CAPS: variants seen among roughly 807,000 people sequenced by gnomAD.
The protein encoded by CAPS is calcyphosin.
CAPS carries 16 observed loss-of-function variants against 15.5 expected under a neutral mutation model. The ratio of observed to expected loss-of-function variants is 1.03; its 90% CI spans 0.70 to 1.57. The LOEUF is 1.57. CAPS is among the 40% of genes most tolerant of loss of function. The pLI is 0.00. For missense variants in CAPS, 294 were observed against 278.4 expected, an observed-to-expected ratio of 1.06 and a Z score of -0.40; for synonymous variants, 121 against 116.0, an observed-to-expected ratio of 1.04 and a Z score of -0.28.
In CAPS at chr19:5,915,981, G is replaced by C. The variant is rs2144987224; in HGVS notation, c.*659G>C. ...GCAGGGGTGGGGGTAAAGTGCGGGTGGTGGTGGAGAGAACAGGGCTGTGGC... is the reference window on the plus strand; with the variant it reads ...GCAGGGGTGGGGGTAAAGTGCGGGTCGTGGTGGAGAGAACAGGGCTGTGGC... On this transcript the variant is annotated 3_prime_UTR_variant, in exon 5 of 5. Coordinates refer to ENST00000588776, the MANE Select transcript of CAPS (RefSeq NM_004058.5). The C allele has an allele frequency of 6.5e-6, 1 of 152,876 alleles. No homozygotes were observed. The highest frequency in any genetic ancestry group is 2.4e-5 in the African/African-American group (1 of 41,446). The allele number at this position is 152,876 out of a possible 1,614,324, so 9.5% of individuals were successfully genotyped here. A position where few individuals can be genotyped will look rare whatever the true frequency, so the allele number is the denominator to read the frequency against.
intron 2 of CAPS, 29 bp downstream of exon 2, chr19:5,914,518 C>G: frequency 6.2e-7 from 1 of 1,605,726 alleles, no homozygotes; most frequent in Non-Finnish European, 8.5e-7. Flanking sequence ...CCTTCCTGAC[C>G]CCGGCCCCTG....
chr19:5,914,997 C>G lies in CAPS; in HGVS notation c.319C>G (p.Arg107Gly), dbSNP rs141737540. Residue 107 changes from arginine to glycine, a missense_variant, in exon 4 of 5, where the codon CGC becomes GGC. Coordinates refer to ENST00000588776, the MANE Select transcript of CAPS (RefSeq NM_004058.5). Reference sequence around the variant, plus strand: ...CGCAGCTGCATTTGCCAAGCTGGACCGCAGTGGGGACGGCGTCGTGACGGT... The same window carrying G: ...CGCAGCTGCATTTGCCAAGCTGGACGGCAGTGGGGACGGCGTCGTGACGGT... ...VIAAAFAKLD[R>G]SGDGVVTVDD... is the part of the protein sequence containing the mutation. The G allele has an allele frequency of 2.7e-5, 43 of 1,611,224 alleles. No homozygotes were observed. In the Admixed American group the frequency reaches 7.0e-4, roughly 26 times the overall value.
In CAPS at chr19:5,915,157, G is replaced by A. The variant is rs776942805; in HGVS notation, c.468+11G>A. 1 of 1,612,480 alleles carries A rather than the reference G, an allele frequency of 6.2e-7. No homozygotes were observed. ...GAGAAGGACGGGCAGGTGGGTGGCT[G>A]CGCGGGGGGCCCCCTCCCCAGGCAG... is the stretch of plus-strand genomic sequence containing the variant. On this transcript the variant is annotated intron_variant, in intron 4 of 4. Transcript: ENST00000588776.
At position 5,914,293 on chromosome 19, in the gene CAPS, G is replaced by C; in HGVS notation, c.-39G>C. On this transcript the variant is annotated 5_prime_UTR_variant, in exon 1 of 5. Transcript: ENST00000588776. ...ACAAGGCCCCGCAGGCAGGACTCTG[G>C]GACAGACGCAGGCCAGGTGAGCATC... The C allele has an allele frequency of 1.9e-6, 3 of 1,594,920 alleles. No homozygotes were observed. The highest frequency in any genetic ancestry group is 2.6e-6 in the Non-Finnish European group (3 of 1,171,766).
In CAPS at chr19:5,915,799, T is replaced by TG. The variant is rs1024481394; in HGVS notation, c.*478dup. The TG allele has an allele frequency of 6.5e-6, 1 of 153,082 alleles. No homozygotes were observed. The highest frequency in any genetic ancestry group is 1.4e-5 in the Non-Finnish European group (1 of 69,310). The allele number at this position is 153,082 out of a possible 1,614,324, so 9.5% of individuals were successfully genotyped here. A position where few individuals can be genotyped will look rare whatever the true frequency, so the allele number is the denominator to read the frequency against. Reference sequence around the variant, plus strand: ...ACCTCAGAAACTGAAATAAAGCCTTTGAAAAAAAAATCTGTAAAACATCAA... The same window carrying TG: ...ACCTCAGAAACTGAAATAAAGCCTTTGGAAAAAAAAATCTGTAAAACATCAA... On this transcript the variant is annotated 3_prime_UTR_variant, in exon 5 of 5. Transcript: ENST00000588776.
At position 5,915,820 on chromosome 19, in the gene CAPS, A is replaced by G. The variant is rs2057729685; in HGVS notation, c.*498A>G. 1 of 154,290 alleles carries G rather than the reference A, an allele frequency of 6.5e-6. No homozygotes were observed. Among genetic ancestry groups the G allele is most frequent in the African/African-American group, 2.4e-5 (1 of 41,354 alleles). 9.6% of individuals were successfully genotyped at this position (154,290 alleles called of 1,614,324 possible). ...CCTTTGAAAAAAAAATCTGTAAAAC[A>G]TCAACCCCCAATCAGAAGATGGCAA... On this transcript the variant is annotated 3_prime_UTR_variant, in exon 5 of 5. Coordinates refer to ENST00000588776, the MANE Select transcript of CAPS (RefSeq NM_004058.5).
Position 5,915,420 on chromosome 19 carries a change from A to C in CAPS, c.*98A>C. 1.4e-5 allele frequency: 12 copies of C among 850,180 alleles called. No individual in the cohort carries two copies. The highest frequency in any genetic ancestry group is 3.6e-4 in the Middle Eastern group (1 of 2,792). The allele number at this position is 850,180 out of a possible 1,614,324, so 52.7% of individuals were successfully genotyped here. On this transcript the variant is annotated 3_prime_UTR_variant, in exon 5 of 5. Coordinates refer to ENST00000588776, the MANE Select transcript of CAPS (RefSeq NM_004058.5). ...CCCTTCTCTCCTGGGCAGCCACACCACAGAGCGGGGAGGGGCAGGTGGGGG... is the reference window on the plus strand; with the variant it reads ...CCCTTCTCTCCTGGGCAGCCACACCCCAGAGCGGGGAGGGGCAGGTGGGGG...
chr19:5,915,213 G>A lies in CAPS; in HGVS notation c.469-8G>A, dbSNP rs775603897. On this transcript the variant is annotated splice_polypyrimidine_tract_variant and splice_region_variant and intron_variant, in intron 4 of 4. Transcript: ENST00000588776. ...CGGCCGTGCCCCCTCACGGCCCTCT[G>A]TTCCCAGGTCACACTGGCGGAATTC... The A allele has an allele frequency of 6.2e-7, 1 of 1,612,560 alleles. No homozygotes were observed. Among genetic ancestry groups the A allele is most frequent in the Admixed American group, 1.7e-5 (1 of 59,994 alleles).
chr19:5,914,917 C>T (rs1599705791), intron 3 of CAPS, 23 bp from the exon 4 acceptor site: 3 of 1,591,512 alleles, frequency 1.9e-6, no homozygotes, highest in South Asian at 2.2e-5. Context: ...CCCACCACCC[C>T]CAGTCACCAC....
chr19:5,915,176 C>A (rs372686654), intron 4 of CAPS, 30 bp downstream of exon 4: 24 of 1,611,398 alleles, frequency 1.5e-5, no homozygotes, highest in Non-Finnish European at 1.8e-5. Context: ...GCCCCCTCCC[C>A]AGGCAGTTCC....
chr19:5,915,473 A>C lies in CAPS; in HGVS notation c.*151A>C. On this transcript the variant is annotated 3_prime_UTR_variant, in exon 5 of 5. Coordinates refer to ENST00000588776, the MANE Select transcript of CAPS (RefSeq NM_004058.5). ...TGGAGGCTGCAGGACTGGCTAGACC[A>C]GGTCCCTGCCGGTCCACCAGGCGGA... The C allele has an allele frequency of 1.6e-6, 1 of 616,344 alleles. No homozygotes were observed. The highest frequency in any genetic ancestry group is 2.0e-5 in the South Asian group (1 of 49,514). The allele number at this position is 616,344 out of a possible 1,614,324, so 38.2% of individuals were successfully genotyped here.
rs759735753 is a variant in CAPS, at chr19:5,915,027, G to T, written c.349G>T (p.Asp117Tyr). Reference sequence around the variant, plus strand: ...TGGGGACGGCGTCGTGACGGTGGACGACCTCCGCGGGGTGTACAGTGGCCG... The same window carrying T: ...TGGGGACGGCGTCGTGACGGTGGACTACCTCCGCGGGGTGTACAGTGGCCG... ...RSGDGVVTVDDLRGVYSGRAH... is the reference protein window; with the variant it reads ...RSGDGVVTVDYLRGVYSGRAH... Residue 117 changes from aspartate to tyrosine, a missense_variant, in exon 4 of 5, where the codon GAC becomes TAC. Coordinates refer to ENST00000588776, the MANE Select transcript of CAPS (RefSeq NM_004058.5). The T allele has an allele frequency of 1.9e-6, 3 of 1,612,376 alleles. No individual in the cohort carries two copies. Among genetic ancestry groups the T allele is most frequent in the Non-Finnish European group, 8.5e-7 (1 of 1,179,932 alleles).
intron 4 of CAPS, 29 bp downstream of exon 4, chr19:5,915,175 C>G: frequency 6.2e-7 from 1 of 1,611,554 alleles, no homozygotes; most frequent in Non-Finnish European, 8.5e-7. Context: ...GGCCCCCTCC[C>G]CAGGCAGTTC....
At chr19:5,914,763 A>G in intron 3 of CAPS, 23 bp downstream of exon 3, 1 of 1,594,246 alleles carries the variant, frequency 6.3e-7, no homozygotes, top group Non-Finnish European at 8.6e-7. Context: ...CTCACAGTCA[A>G]GGCGTGTGCC....
At position 5,914,799 on chromosome 19, in the gene CAPS, T is replaced by C. The variant is rs551938283; in HGVS notation, c.261+59T>C. 100 of 1,565,240 alleles carry C rather than the reference T, an allele frequency of 6.4e-5. No individual in the cohort carries two copies. In the Middle Eastern group the frequency reaches 1.3e-3, roughly 21 times the overall value. ...CTGGGCATGGGGCGACAGAGGATGCTGAGATGCGGAGACGGGGACTCCTCC... is the reference window on the plus strand; with the variant it reads ...CTGGGCATGGGGCGACAGAGGATGCCGAGATGCGGAGACGGGGACTCCTCC... On this transcript the variant is annotated intron_variant, in intron 3 of 4. Coordinates refer to ENST00000588776, the MANE Select transcript of CAPS (RefSeq NM_004058.5).
Position 5,915,224 on chromosome 19 carries a change from A to G in CAPS, c.472A>G (p.Thr158Ala), listed in dbSNP as rs1162949020. 1 of 1,612,786 alleles carries G rather than the reference A, an allele frequency of 6.2e-7. No individual in the cohort carries two copies. Among genetic ancestry groups the G allele is most frequent in the Non-Finnish European group, 8.5e-7 (1 of 1,179,726 alleles). ...CCTCACGGCCCTCTGTTCCCAGGTC[A>G]CACTGGCGGAATTCCAGGACTACTA... ...FDSSEKDGQV[T>A]LAEFQDYYSG... The change falls in exon 5 of 5, where the codon ACA becomes GCA. Residue 158 changes from threonine (T) to alanine (A), a missense_variant. Coordinates refer to ENST00000588776, the MANE Select transcript of CAPS (RefSeq NM_004058.5).
rs144818336 is a variant in CAPS at position 5,915,261 on chromosome 19, G to C, written c.509G>C (p.Ser170Thr). 6.2e-7 allele frequency: 1 copy of C among 1,613,106 alleles called. No individual in the cohort carries two copies. The highest frequency in any genetic ancestry group is 8.5e-7 in the Non-Finnish European group (1 of 1,179,894). ...TTCCAGGACTACTACAGCGGCGTGAGTGCCTCCATGAACACGGATGAGGAG... is the reference window on the plus strand; with the variant it reads ...TTCCAGGACTACTACAGCGGCGTGACTGCCTCCATGAACACGGATGAGGAG... ...AEFQDYYSGV[S>T]ASMNTDEEFV... Residue 170 changes from serine (S) to threonine (T), a missense_variant, in exon 5 of 5, where the codon AGT (serine) becomes ACT (threonine). Coordinates refer to ENST00000588776, the MANE Select transcript of CAPS (RefSeq NM_004058.5).
rs1391817700 is a variant in CAPS at position 5,915,151 on chromosome 19, G to C, written c.468+5G>C. The C allele has an allele frequency of 1.2e-6, 2 of 1,612,574 alleles. No individual in the cohort carries two copies. Among genetic ancestry groups the C allele is most frequent in the Non-Finnish European group, 1.7e-6 (2 of 1,179,626 alleles). On this transcript the variant is annotated splice_donor_5th_base_variant and intron_variant, in intron 4 of 4. Transcript: ENST00000588776. ...TCCTCTGAGAAGGACGGGCAGGTGG[G>C]TGGCTGCGCGGGGGGCCCCCTCCCC...
intron 1 of CAPS, 25 bp from the exon 2 acceptor site, chr19:5,914,360 C>G (rs2144980887): frequency 6.2e-7 from 1 of 1,612,968 alleles, no homozygotes; most frequent in East Asian, 2.2e-5. Context: ...GCGGGAGTCC[C>G]CACCTTGACC....
Sources: gnomAD v4.1 joint callset for allele counts on GRCh38, gnomAD v4.1.1 for gene constraint, MANE v1.5 for transcripts, NCBI Gene and HGNC (gene_info 2026-07-23, HGNC 2026-07-21) for gene names.